Variants in FAM135B observed in about 807,000 individuals in gnomAD.
FAM135B encodes the protein family with sequence similarity 135 member B.
In FAM135B, 43 loss-of-function variants were observed where a neutral mutation model predicts 127.7. The observed-to-expected ratio is 0.34, with a 90% CI of 0.26 to 0.43. The LOEUF is 0.43. Among genes scored for constraint, FAM135B ranks in the 20% least tolerant of loss-of-function variants. The probability of loss-of-function intolerance (pLI) is 1.00; values close to 1 mark genes in which losing one functional copy is unlikely to be tolerated. For missense variants in FAM135B, 1,558 were observed against 1,725.6 expected, an observed-to-expected ratio of 0.90 and a Z score of 1.72; for synonymous variants, 670 against 665.1, an observed-to-expected ratio of 1.01 and a Z score of -0.11.
In FAM135B at chr8:138,373,802, C is replaced by T. The variant is rs538878953; in HGVS notation, c.-19-5800G>A. On this transcript the variant is annotated intron_variant, in intron 1 of 19. Transcript: ENST00000395297. Reference sequence around the variant, plus strand: ...ATGTAGGGACGAAATAAGCCCCAGTCTCCCGTAGCGCTCCCAGGCTTATTA... The same window carrying T: ...ATGTAGGGACGAAATAAGCCCCAGTTTCCCGTAGCGCTCCCAGGCTTATTA... 3.3e-5 allele frequency among the ~76,000 whole-genome samples: 5 copies of T among 152,248 alleles called. No individual in the cohort carries two copies. The South Asian group carries it at 8.3e-4, about 25-fold the overall frequency.
chr8:138,261,436 C>G lies in FAM135B; in HGVS notation c.297+4267G>C, dbSNP rs148661075. On this transcript the variant is annotated intron_variant, in intron 4 of 19. Transcript: ENST00000395297. ...TGCTTTGCCTGCTAGGAGCTTAGCA[C>G]TAAATACATGGGTCACCACTATCAA... 2.3e-3 allele frequency among the ~76,000 whole-genome samples: 347 copies of G among 152,316 alleles called. 1 individual carries two copies. The highest frequency in any genetic ancestry group is 8.0e-3 in the African/African-American group (331 of 41,574).
At chr8:138,476,526 A>T (rs974903497) in intron 1 of FAM135B, among the ~76,000 whole-genome samples, 2 of 151,978 alleles carry the variant, frequency 1.3e-5, no homozygotes, top group African/African-American at 2.4e-5. Context: ...ACTCTAAAAA[A>T]TTAAGTCTAT....
intron 1 of FAM135B, among the ~76,000 whole-genome samples, chr8:138,373,244 G>A (rs1281641260): frequency 6.6e-6 from 1 of 151,984 alleles, no homozygotes; most frequent in East Asian, 1.9e-4. Context: ...AGAAGAAAGT[G>A]GATTGTGAAG....
rs73720105 is a variant in FAM135B, at chr8:138,331,378, A to G, written c.78-20458T>C. Among the ~76,000 whole-genome samples the G allele has an allele frequency of 3.2e-3, 493 of 152,348 alleles. 3 individuals carry two copies. Among genetic ancestry groups the G allele is most frequent in the African/African-American group, 0.011 (476 of 41,580 alleles). On this transcript the variant is annotated intron_variant, in intron 2 of 19. Coordinates refer to ENST00000395297, the MANE Select transcript of FAM135B (RefSeq NM_015912.4). ...CTTTTATGATACAAGGCTTCAAGGAATATAATGGCTCTTCTATTTTTAGGA... is the reference window on the plus strand; with the variant it reads ...CTTTTATGATACAAGGCTTCAAGGAGTATAATGGCTCTTCTATTTTTAGGA...
intron 1 of FAM135B, among the ~76,000 whole-genome samples, chr8:138,463,698 T>G (rs1837247906): frequency 6.6e-6 from 1 of 152,118 alleles, no homozygotes; most frequent in African/African-American, 2.4e-5. Context: ...GGCACCTCTT[T>G]CAGGGAGGGA....
At chr8:138,479,977 G>A (rs1814711318) in intron 1 of FAM135B, among the ~76,000 whole-genome samples, 1 of 152,088 alleles carries the variant, frequency 6.6e-6, no homozygotes. Flanking sequence ...TCCTCATTGA[G>A]ACAGTCTGTT....
chr8:138,492,496 A>G (rs1489631876), intron 1 of FAM135B, among the ~76,000 whole-genome samples: 1 of 152,076 alleles, frequency 6.6e-6, no homozygotes, highest in African/African-American at 2.4e-5. Flanking sequence ...ACAGCTGGGG[A>G]GAGCATCCTG....
rs1816744531 is a variant in FAM135B at position 138,137,275 on chromosome 8, C to CA, written c.3902-16dup. ...ATACTGCAGCCCTGTAAAAATTAGC[C>CA]AGATGAGTGCTTTTTACCCAGGTAG... is the stretch of plus-strand genomic sequence containing the variant. On this transcript the variant is annotated splice_polypyrimidine_tract_variant and intron_variant, in intron 18 of 19. Transcript: ENST00000395297. 1.5e-6 allele frequency: 2 copies of CA among 1,376,078 alleles called. No homozygotes were observed. The highest frequency in any genetic ancestry group is 2.9e-5 in the African/African-American group (2 of 70,104). The allele number at this position is 1,376,078 out of a possible 1,614,324, so 85.2% of individuals were successfully genotyped here. A position where few individuals can be genotyped will look rare whatever the true frequency, so the allele number is the denominator to read the frequency against.
rs151311170 is a variant in FAM135B at position 138,495,323 on chromosome 8, C to CAA, written c.-20+1347_-20+1348insTT. Among the ~76,000 whole-genome samples, 110 of 152,258 alleles carry CAA rather than the reference C, an allele frequency of 7.2e-4. 1 individual carries two copies. The highest frequency in any genetic ancestry group is 2.9e-3 in the Admixed American group (45 of 15,294). ...TCACACAGCAGGTGCATGAGGAAATCAGAGTTCAAATCCATGTTTTCTGAC... is the reference window on the plus strand; with the variant it reads ...TCACACAGCAGGTGCATGAGGAAATCAAAGAGTTCAAATCCATGTTTTCTGAC... On this transcript the variant is annotated intron_variant, in intron 1 of 19. Transcript: ENST00000395297.
At chr8:138,176,777 C>A (rs1166424223) in intron 11 of FAM135B, among the ~76,000 whole-genome samples, 1 of 152,116 alleles carries the variant, frequency 6.6e-6, no homozygotes, top group Non-Finnish European at 1.5e-5. Context: ...GACTGTGGAC[C>A]AGAGGACAAA....
chr8:138,478,043 A>G (rs1814594231), intron 1 of FAM135B, among the ~76,000 whole-genome samples: 1 of 152,134 alleles, frequency 6.6e-6, no homozygotes, highest in African/African-American at 2.4e-5. Context: ...ATAAAACCCT[A>G]TTTGGATAAG....
intron 2 of FAM135B, among the ~76,000 whole-genome samples, chr8:138,327,973 CA>C (rs1827922092): frequency 6.6e-6 from 1 of 152,040 alleles, no homozygotes; most frequent in Non-Finnish European, 1.5e-5. Flanking sequence ...ATAAAAACAG[CA>C]AAATGGCTGG....
At chr8:138,271,142 CAG>C (rs2130675082) in intron 3 of FAM135B, among the ~76,000 whole-genome samples, 1 of 151,682 alleles carries the variant, frequency 6.6e-6, no homozygotes, top group Non-Finnish European at 1.5e-5. Context: ...TTTCTGCTAA[CAG>C]GGCATTGAGA....
chr8:138,251,185 G>A (rs1342282621), intron 5 of FAM135B, among the ~76,000 whole-genome samples, 171 bp from the exon 6 acceptor site: 2 of 152,174 alleles, frequency 1.3e-5, no homozygotes, highest in Admixed American at 6.5e-5. Context: ...ATTGGCAGAT[G>A]AGAAAACCAT....
chr8:138,451,630 A>G (rs1469479561), intron 1 of FAM135B, among the ~76,000 whole-genome samples: 1 of 152,202 alleles, frequency 6.6e-6, no homozygotes, highest in Non-Finnish European at 1.5e-5. Flanking sequence ...TACAAGGGCA[A>G]CTAACTCCTC....
intron 1 of FAM135B, among the ~76,000 whole-genome samples, chr8:138,459,985 T>G (rs780779389): frequency 2.0e-5 from 3 of 152,202 alleles, no homozygotes; most frequent in Non-Finnish European, 2.9e-5. Flanking sequence ...CTCCTCAATT[T>G]GAGATAAGGA....
At chr8:138,393,160 C>A (rs1001751014) in intron 1 of FAM135B, among the ~76,000 whole-genome samples, 1 of 152,080 alleles carries the variant, frequency 6.6e-6, no homozygotes, top group Non-Finnish European at 1.5e-5. Flanking sequence ...GAAAGACCTG[C>A]CCCCATGAAT....
At position 138,384,776 on chromosome 8, in the gene FAM135B, A is replaced by G. The variant is rs567129765; in HGVS notation, c.-19-16774T>C. 2.6e-5 allele frequency among the ~76,000 whole-genome samples: 4 copies of G among 152,196 alleles called. No individual in the cohort carries two copies. The East Asian group carries it at 5.8e-4, about 22-fold the overall frequency. ...CTCCAAAATCTGTTTAGGGGCTAGCAATTGGTCACCTCCTGACTCCAAGTC... is the reference window on the plus strand; with the variant it reads ...CTCCAAAATCTGTTTAGGGGCTAGCGATTGGTCACCTCCTGACTCCAAGTC... On this transcript the variant is annotated intron_variant, in intron 1 of 19. Coordinates refer to ENST00000395297, the MANE Select transcript of FAM135B (RefSeq NM_015912.4).
chr8:138,165,471 T>C (rs187143497), intron 12 of FAM135B, among the ~76,000 whole-genome samples: 1 of 152,206 alleles, frequency 6.6e-6, no homozygotes, highest in Non-Finnish European at 1.5e-5. Flanking sequence ...ACTTCACCTG[T>C]GAGTTGAGGG....
Sources: gnomAD v4.1 joint callset for allele counts (sites outside exome capture counted in the v4.1 genomes callset) on GRCh38, gnomAD v4.1.1 for gene constraint, MANE v1.5 for transcripts, NCBI Gene and HGNC (gene_info 2026-07-23, HGNC 2026-07-21) for gene names.